Variants in PIEZO2 observed in about 807,000 individuals in gnomAD.
PIEZO2 encodes the protein piezo-type mechanosensitive ion channel component 2.
In PIEZO2, 172 loss-of-function variants were observed where a neutral mutation model predicts 337.3. That is an observed-to-expected ratio of 0.51 (90% CI 0.45 to 0.58). PIEZO2 has a LOEUF of 0.58. PIEZO2 is among the 20% of genes least tolerant of loss of function. The pLI is 0.00. For missense variants in PIEZO2, 3,028 were observed against 3,391.3 expected (o/e 0.89, Z 2.66); for synonymous variants, 1,251 against 1,228.5 (o/e 1.02, Z -0.38).
At chr18:10,975,095 T>C (rs1272867544) in intron 3 of PIEZO2, among the ~76,000 whole-genome samples, 1 of 152,210 alleles carries the variant, frequency 6.6e-6, no homozygotes, top group African/African-American at 2.4e-5. Flanking sequence ...GAAAAAGGAA[T>C]AGAATAATCC....
chr18:10,826,511 G>C (rs1363700298), intron 7 of PIEZO2, among the ~76,000 whole-genome samples: 7 of 152,070 alleles, frequency 4.6e-5, no homozygotes, highest in Admixed American at 4.6e-4. Flanking sequence ...ACTTCTATTG[G>C]AAACTAATCA....
intron 5 of PIEZO2, among the ~76,000 whole-genome samples, chr18:10,868,118 C>T (rs2042052307): frequency 6.6e-6 from 1 of 152,122 alleles, no homozygotes. Context: ...TACAGAAGAC[C>T]CAAGAGTCTT....
chr18:11,014,599 C>T (rs2036027987), intron 2 of PIEZO2, among the ~76,000 whole-genome samples: 1 of 146,008 alleles, frequency 6.8e-6, no homozygotes, highest in African/African-American at 2.6e-5. Context: ...CGATCCAGGG[C>T]CCCTCATTCC....
At chr18:10,809,299 T>G (rs1236512772) in intron 7 of PIEZO2, among the ~76,000 whole-genome samples, 1 of 120,024 alleles carries the variant, frequency 8.3e-6, no homozygotes, top group Non-Finnish European at 1.7e-5. Flanking sequence ...TGAGACAGAG[T>G]CTCACTCCGT....
intron 1 of PIEZO2, among the ~76,000 whole-genome samples, chr18:11,107,580 T>C (rs185450720): frequency 4.6e-5 from 7 of 152,338 alleles, no homozygotes; most frequent in East Asian, 1.9e-4. Flanking sequence ...ATTTCTTTCA[T>C]AGAAATTCTT....
chr18:10,676,917 G>A lies in PIEZO2; in HGVS notation c.8081+830C>T, dbSNP rs185894711. On this transcript the variant is annotated intron_variant, in intron 53 of 55. Coordinates refer to ENST00000674853, the MANE Select transcript of PIEZO2 (RefSeq NM_001378183.1). This position sits in a 1 kb window ranked among gnomAD's most constrained non-coding sequence, Gnocchi z 5.1. Reference sequence around the variant, plus strand: ...GAGGCACCAATAGCCCAGTACCCCCGGGGGCAGGGCAGGGAGAATGCGATA... The same window carrying A: ...GAGGCACCAATAGCCCAGTACCCCCAGGGGCAGGGCAGGGAGAATGCGATA... 9.9e-5 allele frequency among the ~76,000 whole-genome samples: 15 copies of A among 152,266 alleles called. No individual in the cohort carries two copies. In the East Asian group the frequency reaches 2.7e-3, roughly 27 times the overall value.
Position 10,941,156 on chromosome 18 carries a change from A to G in PIEZO2, c.287-29928T>C, listed in dbSNP as rs185004828. Reference sequence around the variant, plus strand: ...AAACAATTATCCCAACTAAAAAATGAAAAAAAATGTTGGGGTCAACATTTT... The same window carrying G: ...AAACAATTATCCCAACTAAAAAATGGAAAAAAATGTTGGGGTCAACATTTT... On this transcript the variant is annotated intron_variant, in intron 3 of 55. Transcript: ENST00000674853. Among the ~76,000 whole-genome samples the G allele has an allele frequency of 6.5e-3, 962 of 149,038 alleles. 7 individuals are homozygous for G. The highest frequency in any genetic ancestry group is 9.8e-3 in the Non-Finnish European group (668 of 67,932).
At chr18:10,744,790 TG>T (rs2037357884) in intron 30 of PIEZO2, among the ~76,000 whole-genome samples, 1 of 152,202 alleles carries the variant, frequency 6.6e-6, no homozygotes, top group Admixed American at 6.5e-5. Flanking sequence ...TCAACCTCAG[TG>T]TCTCCATAAA....
intron 1 of PIEZO2, among the ~76,000 whole-genome samples, chr18:11,142,070 A>G (rs1599023726): frequency 2.0e-5 from 3 of 152,334 alleles, no homozygotes; most frequent in African/African-American, 7.2e-5. Context: ...TACGGCACAA[A>G]AGGGGAATTT....
intron 4 of PIEZO2, among the ~76,000 whole-genome samples, chr18:10,904,177 C>G (rs1294201389): frequency 6.6e-6 from 1 of 152,144 alleles, no homozygotes; most frequent in Non-Finnish European, 1.5e-5. Flanking sequence ...TAAATGGTAT[C>G]ATCTCTAAGA....
intron 2 of PIEZO2, among the ~76,000 whole-genome samples, chr18:11,034,731 G>C (rs905913770): frequency 3.9e-5 from 6 of 152,162 alleles, no homozygotes; most frequent in African/African-American, 1.4e-4. Flanking sequence ...TGTAGTCCCA[G>C]CTACTCGGGA....
At chr18:11,140,944 C>T (rs72876018) in intron 1 of PIEZO2, among the ~76,000 whole-genome samples, 38 of 152,292 alleles carry the variant, frequency 2.5e-4, no homozygotes, top group Non-Finnish European at 4.4e-4. Context: ...CTCCAGCCTT[C>T]AGCTTGATGT....
Position 10,800,450 on chromosome 18 carries a change from T to A in PIEZO2, c.1265A>T (p.Asn422Ile), listed in dbSNP as rs145013609. 6.2e-4 allele frequency: 955 copies of A among 1,534,050 alleles called. 13 individuals carry two copies. The East Asian group carries it at 0.016, about 25-fold the overall frequency. ...GTGGATGGTGTGGTAATCCACGGGG[T>A]TGCCGTTCACAGTCACCAGCAGGCC... ...SDGLLVTVNG[N>I]PVDYHTIHPS... Residue 422 changes from asparagine (N) to isoleucine (I), a missense_variant, in exon 11 of 56, where the codon AAC (asparagine) becomes ATC (isoleucine). Asn to Ile is a moderately radical substitution (Grantham distance 149, BLOSUM62 -3). Coordinates refer to ENST00000674853, the MANE Select transcript of PIEZO2 (RefSeq NM_001378183.1).
At chr18:10,989,998 T>A (rs2035029311) in intron 2 of PIEZO2, among the ~76,000 whole-genome samples, 1 of 152,178 alleles carries the variant, frequency 6.6e-6, no homozygotes, top group East Asian at 1.9e-4. Context: ...ATAATGACAT[T>A]TACCACATTA....
intron 49 of PIEZO2, among the ~76,000 whole-genome samples, chr18:10,684,303 C>T (rs1251851285): frequency 3.4e-4 from 48 of 139,728 alleles, no homozygotes; most frequent in East Asian, 2.1e-4. Flanking sequence ...GTAGCTGGGA[C>T]TACAGGTGCC....
At chr18:10,907,863 T>TA (rs918460766) in intron 4 of PIEZO2, among the ~76,000 whole-genome samples, 49 of 152,244 alleles carry the variant, frequency 3.2e-4, no homozygotes, top group Admixed American at 7.2e-4. Flanking sequence ...TTATCTATAA[T>TA]AAAAAAAATT....
chr18:10,724,860 G>C lies in PIEZO2; in HGVS notation c.5029+6547C>G. On this transcript the variant is annotated intron_variant, in intron 36 of 55. Coordinates refer to ENST00000674853, the MANE Select transcript of PIEZO2 (RefSeq NM_001378183.1). This position sits in a 1 kb window ranked among gnomAD's most constrained non-coding sequence, Gnocchi z 5.8. ...ACGGCGGCCACATGCGTCGCAGTGA[G>C]AGCACCTACTCTGTAAATAGTACTG... 6.2e-7 allele frequency: 1 copy of C among 1,607,808 alleles called. No individual in the cohort carries two copies. Among genetic ancestry groups the C allele is most frequent in the Non-Finnish European group, 8.5e-7 (1 of 1,177,230 alleles).
At chr18:11,014,359 TGGACA>T (rs1446503957) in intron 2 of PIEZO2, among the ~76,000 whole-genome samples, 1 of 144,204 alleles carries the variant, frequency 6.9e-6, no homozygotes, top group Non-Finnish European at 1.5e-5. Flanking sequence ...CACGTCACCC[TGGACA>T]GGACAGCAAT....
At chr18:10,788,423 AAAGAAAGGAAGGAAGGAAGGAAGG>A (rs1407337875) in intron 15 of PIEZO2, among the ~76,000 whole-genome samples, 177 of 123,400 alleles carry the variant, frequency 1.4e-3, no homozygotes, top group African/African-American at 5.2e-3. Context: ...AAAAAAAAAG[AAAGAAAGGAAGGAAGGAAGGAAGG>A]AAGGAAGGAA....
Sources: gnomAD v4.1 joint callset for allele counts (sites outside exome capture counted in the v4.1 genomes callset) on GRCh38, gnomAD v4.1.1 for gene constraint, Gnocchi (gnomAD v3.1) non-coding constraint, MANE v1.5 for transcripts, NCBI Gene and HGNC (gene_info 2026-07-23, HGNC 2026-07-21) for gene names.